The following PARP10 variants were observed in gnomAD, a reference collection of about 807,000 sequenced individuals.
The protein encoded by PARP10 is poly(ADP-ribose) polymerase family member 10.
A neutral mutation model predicts 82.4 loss-of-function variants in PARP10; 56 were observed. The ratio of observed to expected loss-of-function variants is 0.68; its 90% confidence interval spans 0.55 to 0.85. The LOEUF (loss-of-function observed/expected upper bound fraction) is 0.85, where lower values mean the gene tolerates loss of function less well. Among genes scored for constraint, PARP10 ranks in the 40% least tolerant of loss-of-function variants. PARP10 has a pLI of 0.00. For synonymous variants in PARP10, 576 were observed against 601.1 expected (o/e 0.96, Z 0.61); for missense variants, 1,227 against 1,379.4 (o/e 0.89, Z 1.75).
chr8:144,005,856 C>T (rs1272233075), intron 1 of PARP10, among the ~76,000 whole-genome samples: 4 of 152,144 alleles, frequency 2.6e-5, no homozygotes, highest in Admixed American at 6.5e-5. Flanking sequence ...CAGCCCCCTC[C>T]GCTCTTGCCC....
Position 143,977,200 on chromosome 8 carries a change from AAAC to A in PARP10, c.*281_*283del. On this transcript the variant is annotated 3_prime_UTR_variant, in exon 11 of 11. Transcript: ENST00000313028. ...CCTGGGTTCACGTTCACGTTTATTC[AAAC>A]AACAGAGCCGACTCGGGCGAGGTCT... 1 of 465,684 alleles carries A rather than the reference AAAC, an allele frequency of 2.1e-6. No individual in the cohort carries two copies. The highest frequency in any genetic ancestry group is 3.8e-6 in the Non-Finnish European group (1 of 264,412). The allele number at this position is 465,684 out of a possible 1,614,324, so 28.8% of individuals were successfully genotyped here. A position where few individuals can be genotyped will look rare whatever the true frequency, so the allele number is the denominator to read the frequency against.
upstream of PARP10, chr8:143,991,878 G>T: frequency 6.2e-7 from 1 of 1,610,774 alleles, no homozygotes; most frequent in Non-Finnish European, 8.5e-7. Flanking sequence ...CCTTCCCCAG[G>T]TGTTCCTAGT....
At position 143,985,917 on chromosome 8, in the gene PARP10, C is replaced by T. The variant is rs782628952; in HGVS notation, c.240G>A (p.Leu80=). ...CAGGGGCTCGTGGTGGAGCTGGCCG[C>T]AGGCTCAGCTGGGCACCATGTAGTT... is the stretch of plus-strand genomic sequence containing the variant. ...DHELHGAQLS[L]RPAPPRAPAR... The change falls in exon 3 of 11, where the codon CTG becomes CTA. Residue 80 remains leucine (L), a synonymous_variant. Transcript: ENST00000313028. 5.1e-6 allele frequency: 8 copies of T among 1,579,184 alleles called. No homozygotes were observed. The highest frequency in any genetic ancestry group is 1.7e-4 in the Middle Eastern group (1 of 5,948).
upstream of PARP10, chr8:143,992,228 G>C: frequency 3.1e-6 from 5 of 1,604,080 alleles, no homozygotes; most frequent in Non-Finnish European, 4.3e-6. Context: ...AGGTCAGCCT[G>C]TGTCTCCCAA....
chr8:143,986,128 G>T lies in PARP10; in HGVS notation c.108C>A (p.Arg36=). ...LLTLYFENRR[R]SGGGPVLSWQ... is the part of the protein sequence containing the mutation. ...AGCTCAACACAGGTCCCCCTCCAGA[G>T]CGTCGGCGGTTTTCAAAGTAGAGAG... The change falls in exon 2 of 11, where the codon CGC becomes CGA. Residue 36 remains arginine (R), a synonymous_variant. Transcript: ENST00000313028. 6.2e-7 allele frequency: 1 copy of T among 1,614,118 alleles called. No individual in the cohort carries two copies. Among genetic ancestry groups the T allele is most frequent in the Non-Finnish European group, 8.5e-7 (1 of 1,180,000 alleles).
At chr8:143,990,449 T>C (rs1372197227), upstream of PARP10, 2 of 150,786 alleles carry the variant, frequency 1.3e-5, no homozygotes, top group African/African-American at 4.9e-5. The surrounding 1 kb of genome is among the most constrained non-coding windows in gnomAD (Gnocchi z 5.6). Flanking sequence ...CCCGTGACCC[T>C]GTGCGCCCCC....
upstream of PARP10, among the ~76,000 whole-genome samples, chr8:143,994,360 G>T (rs1370449345): frequency 1.3e-5 from 2 of 151,846 alleles, no homozygotes; most frequent in Non-Finnish European, 2.9e-5. Flanking sequence ...AACCTCCCCT[G>T]CCTCACCTGG....
At position 143,977,709 on chromosome 8, in the gene PARP10, G is replaced by A. The variant is rs782406282; in HGVS notation, c.2853C>T (p.Gly951=). 2 of 1,594,464 alleles carry A rather than the reference G, an allele frequency of 1.3e-6. No individual in the cohort carries two copies. Among genetic ancestry groups the A allele is most frequent in the Non-Finnish European group, 1.7e-6 (2 of 1,171,404 alleles). The part of the protein sequence containing the change: ...KAVFVARVLT[G]DYGQGRRGLR... Reference sequence around the variant, plus strand: ...GACCGCGGCGGCCCTGCCCGTAGTCGCCAGTCAGCACCCGTGCCACGAACA... The same window carrying A: ...GACCGCGGCGGCCCTGCCCGTAGTCACCAGTCAGCACCCGTGCCACGAACA... The change falls in exon 11 of 11, where the codon GGC becomes GGT. Residue 951 remains glycine (G), a synonymous_variant. Coordinates refer to ENST00000313028, the MANE Select transcript of PARP10 (RefSeq NM_032789.5).
chr8:144,007,134 G>T (rs552922418), intron 1 of PARP10, among the ~76,000 whole-genome samples: 1 of 152,202 alleles, frequency 6.6e-6, no homozygotes, highest in Non-Finnish European at 1.5e-5. Context: ...AAGCCCTCCC[G>T]GTCTCTGTCC....
intron 1 of PARP10, among the ~76,000 whole-genome samples, chr8:143,998,968 A>C (rs1834180818): frequency 6.6e-6 from 1 of 151,146 alleles, no homozygotes; most frequent in African/African-American, 2.4e-5. Context: ...AAAAAGAATC[A>C]AATCAAGCTT....
chr8:143,985,348 C>G lies in PARP10; in HGVS notation c.674-20G>C, dbSNP rs1833961496. On this transcript the variant is annotated intron_variant, in intron 4 of 10. Coordinates refer to ENST00000313028, the MANE Select transcript of PARP10 (RefSeq NM_032789.5). ...CTGCCACTTGGAGGAAGGGAAAGGA[C>G]AGAAAGCCTGTCAGATTTCTGCAGG... 1 of 1,594,364 alleles carries G rather than the reference C, an allele frequency of 6.3e-7. No individual in the cohort carries two copies.
exon 1 of PARP10, chr8:144,012,557 A>G: frequency 6.4e-7 from 1 of 1,551,744 alleles, no homozygotes; most frequent in Non-Finnish European, 8.7e-7. Context: ...GGCATCAGAT[A>G]GAGAGGCTGG....
chr8:143,986,313 C>T (rs945921749), intron 1 of PARP10, 45 bp downstream of exon 1: 1 of 1,613,958 alleles, frequency 6.2e-7, no homozygotes, highest in African/African-American at 1.3e-5. Flanking sequence ...CAAGGTGTGT[C>T]CTCAATGCTC....
intron 1 of PARP10, 47 bp downstream of exon 1, chr8:143,986,311 G>T (rs200465757): frequency 6.2e-7 from 1 of 1,614,040 alleles, no homozygotes; most frequent in East Asian, 2.2e-5. Flanking sequence ...TCCAAGGTGT[G>T]TCCTCAATGC....
chr8:144,009,294 C>G (rs553076565), intron 1 of PARP10, among the ~76,000 whole-genome samples: 19 of 152,278 alleles, frequency 1.2e-4, no homozygotes, highest in African/African-American at 3.9e-4. Context: ...CTAAAGCTGA[C>G]GCACACTTTT....
upstream of PARP10, chr8:143,986,607 T>TCCAGCCAACCCAGC (rs1833997135): frequency 1.6e-6 from 1 of 616,328 alleles, no homozygotes; most frequent in Admixed American, 3.0e-5. Flanking sequence ...CTCAGGACCC[T>TCCAGCCAACCCAGC]CCAGCCAACC....
chr8:143,977,242 G>T lies in PARP10; in HGVS notation c.*242C>A. On this transcript the variant is annotated 3_prime_UTR_variant, in exon 11 of 11. Coordinates refer to ENST00000313028, the MANE Select transcript of PARP10 (RefSeq NM_032789.5). ...CGGGCGAGGTCTGGGAGCGGCGGGC[G>T]GGCGGTGTCGCCTCCTGGGCTCTGC... 1 of 525,696 alleles carries T rather than the reference G, an allele frequency of 1.9e-6. No individual in the cohort carries two copies. The highest frequency in any genetic ancestry group is 3.3e-6 in the Non-Finnish European group (1 of 301,676). 32.6% of individuals were successfully genotyped at this position (525,696 alleles called of 1,614,324 possible).
At chr8:143,987,575 C>T (rs1194381550), upstream of PARP10, among the ~76,000 whole-genome samples, 1 of 152,182 alleles carries the variant, frequency 6.6e-6, no homozygotes, top group Non-Finnish European at 1.5e-5. Context: ...TGCTACAGCT[C>T]CCAGCATCAG....
At chr8:144,003,863 A>C (rs1834218481) in intron 1 of PARP10, among the ~76,000 whole-genome samples, 2 of 147,260 alleles carry the variant, frequency 1.4e-5, no homozygotes, top group South Asian at 2.1e-4. Context: ...CCATCTCTAC[A>C]AAAAAAAAAA....
Sources: gnomAD v4.1 joint callset for allele counts (sites outside exome capture counted in the v4.1 genomes callset) on GRCh38, gnomAD v4.1.1 for gene constraint, Gnocchi (gnomAD v3.1) non-coding constraint, MANE v1.5 for transcripts, NCBI Gene and HGNC (gene_info 2026-07-23, HGNC 2026-07-21) for gene names.